The following NAV1 variants were observed in gnomAD, a reference collection of about 807,000 sequenced individuals.
NAV1 encodes pore membrane and/or filament interacting like protein 3.
Under a neutral mutation model 175.2 loss-of-function variants are expected in NAV1, and 18 were observed. The observed-to-expected ratio is 0.10, with a 90% CI of 0.07 to 0.15. The LOEUF is 0.15. Among genes scored for constraint, NAV1 ranks in the 10% least tolerant of loss-of-function variants. NAV1 has a pLI of 1.00. For synonymous variants in NAV1, 897 were observed against 978.7 expected (o/e 0.92, Z 1.56); for missense variants, 1,731 against 2,436.6 (o/e 0.71, Z 6.10).
At chr1:201,577,134 G>A (rs1666713040) in intron 1 of NAV1, among the ~76,000 whole-genome samples, 1 of 152,182 alleles carries the variant, frequency 6.6e-6, no homozygotes, top group Non-Finnish European at 1.5e-5. Context: ...TTACAGGAGT[G>A]AACCACTATG....
chr1:201,731,091 A>G (rs1352279786), intron 3 of NAV1, among the ~76,000 whole-genome samples: 1 of 152,154 alleles, frequency 6.6e-6, no homozygotes, highest in Non-Finnish European at 1.5e-5. Flanking sequence ...GCACATAGCT[A>G]CATTGGAGGC....
Position 201,688,716 on chromosome 1 carries a change from A to C in NAV1, c.758-24101A>C, listed in dbSNP as rs137980282. On this transcript the variant is annotated intron_variant, in intron 1 of 29. Coordinates refer to ENST00000367296, the Ensembl canonical transcript of NAV1. Reference sequence around the variant, plus strand: ...TAGTCCAATTAATCTCTAGCGATGAATTATTCTGTCCGATAATCGTCTTCG... The same window carrying C: ...TAGTCCAATTAATCTCTAGCGATGACTTATTCTGTCCGATAATCGTCTTCG... Among the ~76,000 whole-genome samples, 19 of 152,356 alleles carry C rather than the reference A, an allele frequency of 1.2e-4. 1 individual carries two copies. Among genetic ancestry groups the C allele is most frequent in the Admixed American group, 1.2e-3 (19 of 15,308 alleles).
exon 1 of NAV1, chr1:201,648,783 G>T (rs758181914): frequency 1.4e-6 from 2 of 1,473,454 alleles, no homozygotes; most frequent in African/African-American, 2.9e-5. Flanking sequence ...AGCGGCGGAC[G>T]GCAGAGGCAT....
At chr1:201,551,087 C>T (rs1665839466) in intron 1 of NAV1, among the ~76,000 whole-genome samples, 2 of 152,214 alleles carry the variant, frequency 1.3e-5, no homozygotes, top group African/African-American at 2.4e-5. Context: ...CAAAATCGGA[C>T]TCAGAGAGGC....
chr1:201,763,891 G>A (rs563601203), intron 3 of NAV1, among the ~76,000 whole-genome samples: 1 of 152,122 alleles, frequency 6.6e-6, no homozygotes, highest in Non-Finnish European at 1.5e-5. Flanking sequence ...CTGAATACTT[G>A]TGTATCATGT....
At chr1:201,723,707 C>T (rs1350755309) in intron 3 of NAV1, 1 of 152,208 alleles carries the variant, frequency 6.6e-6, no homozygotes, top group East Asian at 1.9e-4. Context: ...ATCTTATCTA[C>T]AGTATCCCTG....
chr1:201,808,349 C>T lies in NAV1; in HGVS notation c.3846-69C>T, dbSNP rs975867177. ...GGAGAAGCCAAGACCACCAACCATG[C>T]CTCTCAATATTCTCTAGTAACTCTA... is the stretch of plus-strand genomic sequence containing the variant. On this transcript the variant is annotated intron_variant, in intron 18 of 29. Coordinates refer to ENST00000367296, the Ensembl canonical transcript of NAV1. The surrounding 1 kb of genome is among the most constrained non-coding windows in gnomAD (Gnocchi z 5.5). 6.6e-7 allele frequency: 1 copy of T among 1,518,816 alleles called. No homozygotes were observed. The highest frequency in any genetic ancestry group is 1.3e-5 in the South Asian group (1 of 77,362). 94.1% of individuals were successfully genotyped at this position (1,518,816 alleles called of 1,614,324 possible). A position where few individuals can be genotyped will look rare whatever the true frequency, so the allele number is the denominator to read the frequency against.
At chr1:201,626,079 A>G (rs1668322222) in intron 1 of NAV1, among the ~76,000 whole-genome samples, 1 of 152,136 alleles carries the variant, frequency 6.6e-6, no homozygotes, top group Non-Finnish European at 1.5e-5. Flanking sequence ...TTGAGGCTCA[A>G]GGGTGCGATT....
At chr1:201,628,236 A>G (rs1668391071) in intron 1 of NAV1, among the ~76,000 whole-genome samples, 2 of 152,028 alleles carry the variant, frequency 1.3e-5, no homozygotes, top group Admixed American at 6.6e-5. Flanking sequence ...TGCTTTCTCT[A>G]ACGACACCCC....
chr1:201,790,266 A>G (rs1440349552), intron 11 of NAV1, among the ~76,000 whole-genome samples: 1 of 152,216 alleles, frequency 6.6e-6, no homozygotes, highest in Non-Finnish European at 1.5e-5. Flanking sequence ...GTTGCTGGCA[A>G]TAACCGTTAG....
intron 1 of NAV1, among the ~76,000 whole-genome samples, chr1:201,660,692 C>T (rs1313340433): frequency 1.3e-5 from 2 of 152,244 alleles, no homozygotes; most frequent in African/African-American, 4.8e-5. Context: ...ATTGAGCACT[C>T]ACTGTTTGCC....
chr1:201,625,968 G>T (rs1668319274), intron 1 of NAV1, among the ~76,000 whole-genome samples: 1 of 152,202 alleles, frequency 6.6e-6, no homozygotes, highest in Non-Finnish European at 1.5e-5. Context: ...CTACCTCCTA[G>T]ACCCTGCCCC....
intron 1 of NAV1, among the ~76,000 whole-genome samples, chr1:201,566,799 GT>G (rs57141674): frequency 0.11 from 16,320 of 145,098 alleles, 1,142 homozygotes; most frequent in East Asian, 0.3. Flanking sequence ...CTTCTAGGTT[GT>G]TTTTTTTTTT....
At chr1:201,618,949 T>G (rs1215670478), upstream of NAV1, among the ~76,000 whole-genome samples, 1 of 152,008 alleles carries the variant, frequency 6.6e-6, no homozygotes, top group Non-Finnish European at 1.5e-5. Context: ...AATAACTCAC[T>G]GTTTGGGGAG....
At chr1:201,602,647 TTTG>T (rs1667550726) in intron 2 of NAV1, among the ~76,000 whole-genome samples, 1 of 137,300 alleles carries the variant, frequency 7.3e-6, no homozygotes, top group Non-Finnish European at 1.6e-5. Context: ...GTTTTTTTTT[TTTG>T]GTTTTTTTTT....
intron 3 of NAV1, among the ~76,000 whole-genome samples, chr1:201,753,682 G>A (rs771709823): frequency 7.9e-5 from 12 of 152,154 alleles, no homozygotes; most frequent in African/African-American, 2.2e-4. Flanking sequence ...GAGGTCAAAC[G>A]ATTTTACACA....
Position 201,788,669 on chromosome 1 carries a change from C to A in NAV1, c.3166+31C>A. 1 of 1,573,742 alleles carries A rather than the reference C, an allele frequency of 6.4e-7. No homozygotes were observed. The highest frequency in any genetic ancestry group is 1.2e-5 in the South Asian group (1 of 85,014). On this transcript the variant is annotated intron_variant, in intron 10 of 29. Coordinates refer to ENST00000367296, the Ensembl canonical transcript of NAV1. This position sits in a 1 kb window ranked among gnomAD's most constrained non-coding sequence, Gnocchi z 5.7. ...ACTTCATGCTAGCGCGGTTCACGCT[C>A]ATTCCAGCTCTGCTGGGTCCCCTCA...
chr1:201,665,167 C>G (rs187910551), intron 1 of NAV1, among the ~76,000 whole-genome samples: 24 of 152,072 alleles, frequency 1.6e-4, no homozygotes, highest in Admixed American at 3.3e-4. Context: ...GTGCTCCCCC[C>G]GCACCCTGCC....
intron 15 of NAV1, chr1:201,795,671 C>CA (rs1388871634): frequency 6.6e-6 from 1 of 152,056 alleles, no homozygotes; most frequent in Non-Finnish European, 1.5e-5. Context: ...ATCATTCTAC[C>CA]AAAAACACTT....
Sources: gnomAD v4.1 joint callset for allele counts (sites outside exome capture counted in the v4.1 genomes callset) on GRCh38, gnomAD v4.1.1 for gene constraint, Gnocchi (gnomAD v3.1) non-coding constraint, MANE v1.5 for transcripts, NCBI Gene and HGNC (gene_info 2026-07-23, HGNC 2026-07-21) for gene names.